DRC8: variants seen among roughly 807,000 people sequenced by gnomAD.
DRC8 encodes dynein regulatory complex subunit 8, also known as dynein regulatory complex protein 8.
chr1:245,025,958 C>T, the DRC8 span, among the ~76,000 whole-genome samples: 1 of 152,180 alleles, frequency 6.6e-6, no homozygotes, highest in Non-Finnish European at 1.5e-5. Context: ...ATCCATGAAG[C>T]CTCTTTTTCT....
the DRC8 span, among the ~76,000 whole-genome samples, chr1:244,983,117 C>T: frequency 4.0e-3 from 614 of 152,166 alleles, 3 homozygotes; most frequent in South Asian, 8.1e-3. Context: ...ATTGTTGGGT[C>T]TCACCCTCAG....
chr1:245,091,499 C>T, the DRC8 span: 2 of 152,240 alleles, frequency 1.3e-5, no homozygotes, highest in African/African-American at 4.8e-5. Flanking sequence ...AGGAGACACC[C>T]TCTTGCACAG....
chr1:245,020,015 G>C, the DRC8 span, among the ~76,000 whole-genome samples: 4 of 152,038 alleles, frequency 2.6e-5, no homozygotes, highest in African/African-American at 9.7e-5. Context: ...ATATGTAATG[G>C]CTCAGTGGGG....
At chr1:244,982,899 C>G in the DRC8 span, among the ~76,000 whole-genome samples, 1 of 151,802 alleles carries the variant, frequency 6.6e-6, no homozygotes, top group African/African-American at 2.4e-5. Flanking sequence ...CCTGTCTGTA[C>G]TAAAAATAAA....
the DRC8 span, among the ~76,000 whole-genome samples, chr1:245,094,092 G>A: frequency 6.6e-6 from 1 of 152,118 alleles, no homozygotes; most frequent in Non-Finnish European, 1.5e-5. Context: ...ACTAACTCAA[G>A]GTATGATCCG....
the DRC8 span, among the ~76,000 whole-genome samples, chr1:245,052,947 A>G: frequency 3.3e-5 from 5 of 152,244 alleles, no homozygotes; most frequent in African/African-American, 7.2e-5. Context: ...TCCCATTTCC[A>G]AAGACAAACT....
At chr1:245,001,366 T>A in the DRC8 span, among the ~76,000 whole-genome samples, 2 of 152,150 alleles carry the variant, frequency 1.3e-5, no homozygotes, top group African/African-American at 4.8e-5. Context: ...ACTAATACAG[T>A]GTGGTTCCCA....
the DRC8 span, among the ~76,000 whole-genome samples, chr1:245,034,600 CAAAAAAAAAAAAAAA>C: frequency 2.5e-5 from 1 of 39,492 alleles, no homozygotes; most frequent in African/African-American, 1.1e-4. Flanking sequence ...GACTCCATCT[CAAAAAAAAAAAAAAA>C]AAAAAAAAAA....
chr1:245,082,140 A>G, the DRC8 span: 1 of 1,612,772 alleles, frequency 6.2e-7, no homozygotes, highest in Non-Finnish European at 8.5e-7. Flanking sequence ...TCCGGTGATG[A>G]CAGAAATACT....
At chr1:245,105,483 G>A in the DRC8 span, among the ~76,000 whole-genome samples, 5 of 151,540 alleles carry the variant, frequency 3.3e-5, no homozygotes, top group Non-Finnish European at 5.9e-5. Context: ...GCCAGGCATG[G>A]TGGTGTGTGC....
At chr1:245,079,375 T>G in the DRC8 span, among the ~76,000 whole-genome samples, 1 of 152,234 alleles carries the variant, frequency 6.6e-6, no homozygotes, top group African/African-American at 2.4e-5. Flanking sequence ...ATGACCCCTC[T>G]GCTGTTCTGA....
chr1:245,007,165 T>G, the DRC8 span, among the ~76,000 whole-genome samples: 1 of 152,020 alleles, frequency 6.6e-6, no homozygotes, highest in Non-Finnish European at 1.5e-5. Flanking sequence ...GAAACAAGGA[T>G]GCTCCCAGAC....
At chr1:245,087,719 G>A in the DRC8 span, 19 of 1,001,618 alleles carry the variant, frequency 1.9e-5, no homozygotes, top group Non-Finnish European at 2.1e-5. Flanking sequence ...TTAAGAGGGG[G>A]CAGAACGAAC....
chr1:244,985,103 T>C, the DRC8 span, among the ~76,000 whole-genome samples: 1 of 147,706 alleles, frequency 6.8e-6, no homozygotes, highest in East Asian at 2.0e-4. Context: ...TTTTTTCTGA[T>C]TACATGTGTG....
At chr1:245,061,970 G>C in the DRC8 span, among the ~76,000 whole-genome samples, 1 of 152,132 alleles carries the variant, frequency 6.6e-6, no homozygotes, top group Non-Finnish European at 1.5e-5. Context: ...GCTGGGTGTG[G>C]TGGTACACAC....
the DRC8 span, among the ~76,000 whole-genome samples, chr1:245,064,298 G>A: frequency 1.3e-5 from 2 of 152,180 alleles, no homozygotes; most frequent in African/African-American, 4.8e-5. Flanking sequence ...AACTTGACCA[G>A]CACATAGTAA....
At chr1:244,972,542 CG>C in the DRC8 span, among the ~76,000 whole-genome samples, 13 of 152,278 alleles carry the variant, frequency 8.5e-5, no homozygotes, top group Admixed American at 4.6e-4. Flanking sequence ...TCGAGAAGGC[CG>C]GGCGCGGTGG....
the DRC8 span, among the ~76,000 whole-genome samples, chr1:245,034,480 A>G: frequency 6.6e-6 from 1 of 151,868 alleles, no homozygotes; most frequent in East Asian, 1.9e-4. Flanking sequence ...ATGCACCTGT[A>G]ATCCCATCTA....
At chr1:245,079,668 C>G in the DRC8 span, among the ~76,000 whole-genome samples, 1 of 152,126 alleles carries the variant, frequency 6.6e-6, no homozygotes. Context: ...GGGTTTTGGT[C>G]TTTTAAAGGT....
Sources: gnomAD v4.1 joint callset for allele counts (sites outside exome capture counted in the v4.1 genomes callset) on GRCh38, gnomAD v4.1.1 for gene constraint, MANE v1.5 for transcripts, NCBI Gene and HGNC (gene_info 2026-07-23, HGNC 2026-07-21) for gene names.